Variants in GPC5 observed in about 807,000 individuals in gnomAD.
GPC5 encodes the protein glypican 5.
In GPC5, 47 loss-of-function variants were observed where a neutral mutation model predicts 53.9. The observed-to-expected ratio is 0.87, with a 90% CI of 0.69 to 1.11. GPC5 has a LOEUF of 1.11. Ranked by LOEUF, GPC5 falls within the 50% of genes most tolerant of loss-of-function variation. GPC5 has a pLI of 0.00. For missense variants in GPC5, 748 were observed against 713.1 expected (o/e 1.05, Z -0.56); for synonymous variants, 286 against 263.3 (o/e 1.09, Z -0.84).
At position 91,465,652 on chromosome 13, in the gene GPC5, A is replaced by G. The variant is rs560955533; in HGVS notation, c.325+16730A>G. Reference sequence around the variant, plus strand: ...CTAATTCCATTTAATTGGTGGTTTTAAAAGTCTAATACTTTTGTATTGAAA... The same window carrying G: ...CTAATTCCATTTAATTGGTGGTTTTGAAAGTCTAATACTTTTGTATTGAAA... On this transcript the variant is annotated intron_variant, in intron 2 of 7. Coordinates refer to ENST00000377067, the MANE Select transcript of GPC5 (RefSeq NM_004466.6). Among the ~76,000 whole-genome samples, 86 of 152,300 alleles carry G rather than the reference A, an allele frequency of 5.6e-4. 1 individual carries two copies. The highest frequency in any genetic ancestry group is 1.9e-3 in the African/African-American group (79 of 41,568).
chr13:92,145,349 T>TA (rs898317282), intron 7 of GPC5, among the ~76,000 whole-genome samples: 6 of 152,126 alleles, frequency 3.9e-5, no homozygotes, highest in East Asian at 1.9e-4. Flanking sequence ...ATTGTGCAAT[T>TA]AAAAAATTAC....
chr13:91,399,621 C>T (rs1022990162), intron 1 of GPC5, among the ~76,000 whole-genome samples: 2 of 152,292 alleles, frequency 1.3e-5, no homozygotes, highest in Admixed American at 6.5e-5. Flanking sequence ...TTGAATTGAT[C>T]GCCCCAAGTT....
intron 7 of GPC5, among the ~76,000 whole-genome samples, chr13:92,803,725 G>A (rs1168845633): frequency 2.0e-5 from 3 of 151,750 alleles, no homozygotes; most frequent in South Asian, 2.1e-4. Flanking sequence ...AAAGAGTGCC[G>A]ATTCTCTAAT....
chr13:92,765,071 T>C (rs1175432338), intron 7 of GPC5, among the ~76,000 whole-genome samples: 5 of 152,216 alleles, frequency 3.3e-5, no homozygotes, highest in African/African-American at 4.8e-5. Flanking sequence ...TCAGAGGGTT[T>C]ATTTAGTGAA....
At chr13:91,467,935 G>A (rs1006353461) in intron 2 of GPC5, among the ~76,000 whole-genome samples, 1 of 152,048 alleles carries the variant, frequency 6.6e-6, no homozygotes, top group Non-Finnish European at 1.5e-5. Context: ...GTCAGGATTG[G>A]CCAGGTTTAC....
At chr13:92,367,587 ATTTTTATCTGCCG>A (rs965243269) in intron 7 of GPC5, among the ~76,000 whole-genome samples, 1 of 152,180 alleles carries the variant, frequency 6.6e-6, no homozygotes, top group African/African-American at 2.4e-5. Flanking sequence ...TGATAATGCC[ATTTTTATCTGCCG>A]TTTTTATCTG....
rs181303671 is a variant in GPC5, at chr13:91,913,352, T to C, written c.1401+5295T>C. ...AGATGGAGGTTGCAGTGAGCCAAGA[T>C]TGTGCCACTACACTCCAGTCTGGGT... On this transcript the variant is annotated intron_variant, in intron 6 of 7. Coordinates refer to ENST00000377067, the MANE Select transcript of GPC5 (RefSeq NM_004466.6). Among the ~76,000 whole-genome samples the C allele has an allele frequency of 2.7e-3, 402 of 151,252 alleles. 2 individuals are homozygous for C. The highest frequency in any genetic ancestry group is 4.6e-3 in the Non-Finnish European group (313 of 67,838).
At chr13:92,175,110 C>T (rs1033663810) in intron 7 of GPC5, among the ~76,000 whole-genome samples, 3 of 152,228 alleles carry the variant, frequency 2.0e-5, no homozygotes, top group Admixed American at 2.0e-4. Context: ...GCCTTGGCCA[C>T]CCAAAGTGCT....
At chr13:92,413,211 C>T (rs1466316176) in intron 7 of GPC5, among the ~76,000 whole-genome samples, 1 of 152,116 alleles carries the variant, frequency 6.6e-6, no homozygotes, top group East Asian at 1.9e-4. Context: ...AGTGCTATTC[C>T]TTCTACCCTA....
chr13:92,283,742 A>T lies in GPC5; in HGVS notation c.1561+138753A>T, dbSNP rs555552078. On this transcript the variant is annotated intron_variant, in intron 7 of 7. Transcript: ENST00000377067. ...AGAATCTGTGGGACACATTTAAAGC[A>T]GTGTGTAGAGGGAAATTTTTAGCAC... is the stretch of plus-strand genomic sequence containing the variant. 8.7e-4 allele frequency among the ~76,000 whole-genome samples: 133 copies of T among 152,356 alleles called. 1 individual carries two copies. The highest frequency in any genetic ancestry group is 9.8e-4 in the Non-Finnish European group (67 of 68,034).
chr13:91,507,865 A>G (rs1259848262), intron 2 of GPC5, among the ~76,000 whole-genome samples: 1 of 152,244 alleles, frequency 6.6e-6, no homozygotes, highest in Non-Finnish European at 1.5e-5. Context: ...TTGCTCTCTT[A>G]GCTTATCAAA....
intron 7 of GPC5, among the ~76,000 whole-genome samples, chr13:92,323,519 T>C (rs2043229910): frequency 6.6e-6 from 1 of 151,718 alleles, no homozygotes; most frequent in Admixed American, 6.6e-5. Context: ...CTTATGTAAA[T>C]TAATAAATGT....
chr13:91,472,505 A>G (rs1379912043), intron 2 of GPC5, among the ~76,000 whole-genome samples: 1 of 152,222 alleles, frequency 6.6e-6, no homozygotes, highest in Non-Finnish European at 1.5e-5. Context: ...GATTTTGTGT[A>G]TGTAACATAT....
chr13:91,978,515 G>T (rs2040328210), intron 6 of GPC5, among the ~76,000 whole-genome samples: 1 of 152,162 alleles, frequency 6.6e-6, no homozygotes, highest in Admixed American at 6.5e-5. Flanking sequence ...GAGAGACAGA[G>T]TTATGCAAGT....
At chr13:92,325,160 CTT>C (rs1237100904) in intron 7 of GPC5, among the ~76,000 whole-genome samples, 1 of 150,828 alleles carries the variant, frequency 6.6e-6, no homozygotes, top group African/African-American at 2.4e-5. Flanking sequence ...ATATATAAAA[CTT>C]AAGCATGTTT....
At chr13:92,259,972 C>T (rs1295388853) in intron 7 of GPC5, among the ~76,000 whole-genome samples, 1 of 152,124 alleles carries the variant, frequency 6.6e-6, no homozygotes, top group Non-Finnish European at 1.5e-5. Flanking sequence ...ATTCTAGACC[C>T]AACAAACTCT....
intron 7 of GPC5, among the ~76,000 whole-genome samples, chr13:92,751,302 TTAAAAAAA>T (rs1231728575): frequency 1.0e-3 from 35 of 34,426 alleles, no homozygotes; most frequent in South Asian, 2.9e-3. Flanking sequence ...CCAGAAACAT[TTAAAAAAA>T]AAAAAAAAAA....
chr13:91,979,338 C>T (rs929022659), intron 6 of GPC5, among the ~76,000 whole-genome samples: 2 of 152,076 alleles, frequency 1.3e-5, no homozygotes, highest in Non-Finnish European at 2.9e-5. Context: ...AACTTTAATA[C>T]ATTACAAATT....
intron 3 of GPC5, among the ~76,000 whole-genome samples, chr13:91,695,164 T>A (rs544976942): frequency 6.6e-6 from 1 of 152,236 alleles, no homozygotes; most frequent in East Asian, 1.9e-4. Flanking sequence ...GGTATCCCTA[T>A]ACAATTAACC....
Sources: gnomAD v4.1 joint callset for allele counts (sites outside exome capture counted in the v4.1 genomes callset) on GRCh38, gnomAD v4.1.1 for gene constraint, MANE v1.5 for transcripts, NCBI Gene and HGNC (gene_info 2026-07-23, HGNC 2026-07-21) for gene names.